The following EYS variants were observed in gnomAD, a reference collection of about 807,000 sequenced individuals.
EYS encodes EGF-like photoreceptor maintenance factor, also known as protein eyes shut homolog.
In EYS, 250 loss-of-function variants were observed where a neutral mutation model predicts 282.1. That is an observed-to-expected ratio of 0.89 (90% CI 0.80 to 0.98). EYS has a LOEUF of 0.98. EYS is among the 50% of genes least tolerant of loss of function. The pLI, the probability that EYS is intolerant of heterozygous loss-of-function variation, is 0.00. For synonymous variants in EYS, 1,355 were observed against 1,282.9 expected, an observed-to-expected ratio of 1.06 and a Z score of -1.20; for missense variants, 4,016 against 3,709.0, an observed-to-expected ratio of 1.08 and a Z score of -2.15.
chr6:65,206,364 C>A (rs1471655870), intron 12 of EYS, among the ~76,000 whole-genome samples: 8 of 150,706 alleles, frequency 5.3e-5, no homozygotes, highest in African/African-American at 2.0e-4. Flanking sequence ...CTGAACAGAC[C>A]AATAATGAGT....
chr6:65,597,182 G>A lies in EYS; in HGVS notation c.-333+42596C>T, dbSNP rs562042357. On this transcript the variant is annotated intron_variant, in intron 2 of 42. Transcript: ENST00000503581. ...TTGAGAAAAAAATGCTGGTTAGACA[G>A]GCTTGTTAATTGTAGGGCTCTCCTG... Among the ~76,000 whole-genome samples the A allele has an allele frequency of 5.3e-5, 8 of 152,152 alleles. No homozygotes were observed. The South Asian group carries it at 1.7e-3, about 32-fold the overall frequency.
chr6:64,686,846 T>TATATATACACACAC (rs1554193117), intron 22 of EYS, among the ~76,000 whole-genome samples: 1 of 103,338 alleles, frequency 9.7e-6, no homozygotes, highest in African/African-American at 4.5e-5. Flanking sequence ...TACGTGTATA[T>TATATATACACACAC]ATATATATGT....
intron 26 of EYS, among the ~76,000 whole-genome samples, chr6:64,530,904 A>T (rs1402963919): frequency 6.6e-6 from 1 of 152,148 alleles, no homozygotes; most frequent in Admixed American, 6.5e-5. Context: ...ATTTGTCACA[A>T]GAAATTTATT....
intron 29 of EYS, among the ~76,000 whole-genome samples, chr6:64,386,857 G>A (rs758466924): frequency 3.6e-4 from 54 of 151,704 alleles, no homozygotes; most frequent in South Asian, 4.2e-4. Flanking sequence ...CATTTCTTAC[G>A]ATGTAGTCCT....
At chr6:65,324,580 A>G (rs919282297) in intron 11 of EYS, among the ~76,000 whole-genome samples, 6 of 152,114 alleles carry the variant, frequency 3.9e-5, no homozygotes, top group African/African-American at 1.4e-4. Flanking sequence ...TCGGAAGATC[A>G]CTCTAGCATT....
intron 26 of EYS, among the ~76,000 whole-genome samples, chr6:64,550,651 G>A (rs1472020832): frequency 6.6e-6 from 1 of 152,204 alleles, no homozygotes; most frequent in East Asian, 1.9e-4. Context: ...TATTCAATTA[G>A]GAAAAGAGGA....
chr6:64,756,713 T>C (rs1258534279), intron 22 of EYS, among the ~76,000 whole-genome samples: 1 of 152,178 alleles, frequency 6.6e-6, no homozygotes, highest in Non-Finnish European at 1.5e-5. Flanking sequence ...ACAGAATACA[T>C]CTTAGATGAA....
intron 26 of EYS, among the ~76,000 whole-genome samples, chr6:64,546,675 C>CA (rs571210361): frequency 1.5e-4 from 23 of 151,946 alleles, no homozygotes; most frequent in African/African-American, 4.8e-4. Context: ...AAATTTACAA[C>CA]AAAAAAACAA....
At chr6:64,634,764 T>G (rs897669525) in intron 22 of EYS, among the ~76,000 whole-genome samples, 32 of 152,348 alleles carry the variant, frequency 2.1e-4, no homozygotes, top group African/African-American at 7.5e-4. Context: ...CAAACTACAC[T>G]GAGAACTTTG....
intron 2 of EYS, among the ~76,000 whole-genome samples, chr6:65,587,074 T>C (rs572255462): frequency 9.2e-5 from 14 of 152,242 alleles, no homozygotes; most frequent in African/African-American, 3.4e-4. Context: ...TTCCATATTT[T>C]AGGCTACCAT....
At chr6:64,369,720 A>C (rs2150412883) in intron 29 of EYS, among the ~76,000 whole-genome samples, 1 of 152,094 alleles carries the variant, frequency 6.6e-6, no homozygotes, top group East Asian at 2.0e-4. Flanking sequence ...ATACCAAGAA[A>C]ATCCCATAGT....
At chr6:64,592,504 A>G (rs1766444741) in intron 25 of EYS, among the ~76,000 whole-genome samples, 1 of 152,170 alleles carries the variant, frequency 6.6e-6, no homozygotes, top group Non-Finnish European at 1.5e-5. Context: ...AATAGCCTTC[A>G]AAATTATTTT....
At chr6:64,030,531 A>T (rs1769771394) in intron 33 of EYS, among the ~76,000 whole-genome samples, 1 of 152,166 alleles carries the variant, frequency 6.6e-6, no homozygotes, top group African/African-American at 2.4e-5. Context: ...TTAGGGAAAG[A>T]GTGTTGTTTT....
At chr6:63,985,798 G>A (rs1171111133) in intron 34 of EYS, among the ~76,000 whole-genome samples, 1 of 151,748 alleles carries the variant, frequency 6.6e-6, no homozygotes, top group African/African-American at 2.4e-5. Flanking sequence ...TTACTTAAAT[G>A]TAAAACCCAA....
chr6:65,066,867 T>C (rs547824872), intron 12 of EYS, among the ~76,000 whole-genome samples: 1 of 152,256 alleles, frequency 6.6e-6, no homozygotes, highest in East Asian at 1.9e-4. Context: ...AAATGGGCTA[T>C]AAAATATCTG....
At chr6:63,914,754 A>T (rs1319948505) in intron 35 of EYS, among the ~76,000 whole-genome samples, 1 of 151,636 alleles carries the variant, frequency 6.6e-6, no homozygotes, top group Non-Finnish European at 1.5e-5. Flanking sequence ...TCTATTGCTG[A>T]TATGGAGCAA....
chr6:63,734,586 CAT>C (rs1562000814), intron 41 of EYS, among the ~76,000 whole-genome samples: 1 of 151,994 alleles, frequency 6.6e-6, no homozygotes, highest in Non-Finnish European at 1.5e-5. Flanking sequence ...AGTGAAAAGT[CAT>C]ATTTCAAATA....
intron 19 of EYS, among the ~76,000 whole-genome samples, chr6:64,828,854 G>T (rs1013132314): frequency 6.6e-5 from 10 of 151,952 alleles, no homozygotes; most frequent in Admixed American, 5.3e-4. Flanking sequence ...AATAAAAAAA[G>T]TCTGAGGTTG....
Position 64,596,728 on chromosome 6 carries a change from A to C in EYS, c.3685-3419T>G, listed in dbSNP as rs574006137. On this transcript the variant is annotated intron_variant, in intron 24 of 42. Coordinates refer to ENST00000503581, the MANE Select transcript of EYS (RefSeq NM_001142800.2). ...TCAACTCAAAATTGATTACAGACTT[A>C]AGCATAAGACCCCAAGCTATAAAAC... Among the ~76,000 whole-genome samples the C allele has an allele frequency of 1.1e-4, 16 of 152,334 alleles. 1 individual carries two copies. The South Asian group carries it at 2.5e-3, about 24-fold the overall frequency.
Sources: allele counts gnomAD v4.1 joint callset (sites outside exome capture counted in the v4.1 genomes callset), GRCh38; gene constraint gnomAD v4.1.1; transcripts MANE v1.5; gene names NCBI Gene and HGNC (gene_info 2026-07-23, HGNC 2026-07-21).